The following ZFAT variants were observed in gnomAD, a reference collection of about 807,000 sequenced individuals.
ZFAT encodes the protein zinc finger protein ZFAT.
ZFAT carries 64 observed loss-of-function variants against 117.7 expected under a neutral mutation model. The ratio of observed to expected loss-of-function variants is 0.54; its 90% CI spans 0.44 to 0.67. The LOEUF is 0.67. Among genes scored for constraint, ZFAT ranks in the 30% least tolerant of loss-of-function variants. ZFAT has a pLI of 0.00. For synonymous variants in ZFAT, 679 were observed against 615.0 expected (o/e 1.10, Z -1.54); for missense variants, 1,433 against 1,584.5 (o/e 0.90, Z 1.62).
At chr8:134,819,757 G>A in the ZFAT span, among the ~76,000 whole-genome samples, 1 of 151,968 alleles carries the variant, frequency 6.6e-6, no homozygotes, top group Non-Finnish European at 1.5e-5. Flanking sequence ...ATGAAAGCTA[G>A]GGACCAGAAC....
chr8:134,573,727 C>G (rs1825102887), intron 10 of ZFAT, among the ~76,000 whole-genome samples: 3 of 152,244 alleles, frequency 2.0e-5, no homozygotes, highest in Admixed American at 2.0e-4. Flanking sequence ...TGCAAAATCT[C>G]TCTCCACTTT....
chr8:134,490,491 T>G (rs548406207), intron 15 of ZFAT, among the ~76,000 whole-genome samples: 14 of 152,318 alleles, frequency 9.2e-5, no homozygotes, highest in Admixed American at 2.6e-4. Context: ...GTCTACAGAA[T>G]AGAAGTTGCA....
At chr8:134,533,565 T>C (rs190857578) in intron 11 of ZFAT, among the ~76,000 whole-genome samples, 9 of 152,358 alleles carry the variant, frequency 5.9e-5, no homozygotes, top group African/African-American at 2.2e-4. Flanking sequence ...CAGTGATGCG[T>C]CACTGTATTT....
intron 15 of ZFAT, among the ~76,000 whole-genome samples, chr8:134,480,152 G>A (rs940163382): frequency 2.0e-5 from 3 of 152,024 alleles, no homozygotes; most frequent in Non-Finnish European, 4.4e-5. Flanking sequence ...GGTAGAGACA[G>A]GGTTTCTCCA....
At chr8:134,731,150 A>C in the ZFAT span, among the ~76,000 whole-genome samples, 1 of 152,246 alleles carries the variant, frequency 6.6e-6, no homozygotes, top group Non-Finnish European at 1.5e-5. Context: ...TGCATGTGGG[A>C]GAGGTAATGG....
At chr8:134,722,285 G>A in the ZFAT span, among the ~76,000 whole-genome samples, 4 of 152,242 alleles carry the variant, frequency 2.6e-5, no homozygotes, top group Non-Finnish European at 5.9e-5. Context: ...GCCTAGGCGA[G>A]AAATAGCATG....
chr8:134,761,473 C>T, the ZFAT span, among the ~76,000 whole-genome samples: 21 of 151,246 alleles, frequency 1.4e-4, no homozygotes, highest in Non-Finnish European at 2.2e-4. Flanking sequence ...ATGCTGAAGC[C>T]GGCAAATCAC....
At chr8:134,690,300 T>C (rs369840618) in intron 1 of ZFAT, among the ~76,000 whole-genome samples, 1 of 152,240 alleles carries the variant, frequency 6.6e-6, no homozygotes, top group African/African-American at 2.4e-5. Flanking sequence ...ACTTAGAACC[T>C]GCAGACCAAG....
rs1458271338 is a variant in ZFAT, at chr8:134,640,304, C to T, written c.197-2592G>A. Among the ~76,000 whole-genome samples the T allele has an allele frequency of 5.3e-5, 8 of 152,354 alleles. No individual in the cohort carries two copies. In the East Asian group the frequency reaches 1.5e-3, roughly 29 times the overall value. ...AAGGTGGTCCAGGAGACCCTCCAAA[C>T]TTGTGGCTGGTATCAGGAGTCTTGG... On this transcript the variant is annotated intron_variant, in intron 2 of 15. Transcript: ENST00000377838.
chr8:134,502,501 A>G (rs1819068121), intron 15 of ZFAT, among the ~76,000 whole-genome samples: 2 of 152,198 alleles, frequency 1.3e-5, no homozygotes, highest in African/African-American at 4.8e-5. Context: ...GGCAACCAAC[A>G]TATGTCTTCC....
At chr8:134,666,250 G>A (rs1306358691) in intron 1 of ZFAT, among the ~76,000 whole-genome samples, 1 of 152,102 alleles carries the variant, frequency 6.6e-6, no homozygotes, top group Non-Finnish European at 1.5e-5. Flanking sequence ...AGACTGAGTG[G>A]GGAACCTAAA....
At chr8:134,722,128 G>C in the ZFAT span, among the ~76,000 whole-genome samples, 2 of 152,160 alleles carry the variant, frequency 1.3e-5, no homozygotes, top group Admixed American at 6.5e-5. Flanking sequence ...CAAGGTGAGT[G>C]TCATACAGCA....
intron 11 of ZFAT, among the ~76,000 whole-genome samples, chr8:134,561,016 C>T (rs1824008708): frequency 6.6e-6 from 1 of 152,212 alleles, no homozygotes; most frequent in African/African-American, 2.4e-5. Flanking sequence ...GAGAAAATAA[C>T]ATCTTTACTA....
the ZFAT span, among the ~76,000 whole-genome samples, chr8:134,800,821 T>C: frequency 6.6e-6 from 1 of 152,128 alleles, no homozygotes; most frequent in Non-Finnish European, 1.5e-5. Context: ...TGGGGGGCAC[T>C]ACAGGCACGC....
chr8:134,723,568 A>G, the ZFAT span: 1 of 152,234 alleles, frequency 6.6e-6, no homozygotes, highest in African/African-American at 2.4e-5. Flanking sequence ...AGAGAAGGAG[A>G]CTGAGGAATA....
the ZFAT span, among the ~76,000 whole-genome samples, chr8:134,745,589 C>T: frequency 2.0e-5 from 3 of 152,110 alleles, no homozygotes; most frequent in African/African-American, 4.8e-5. Context: ...CAAAAAGTGC[C>T]GTGGACTCCC....
chr8:134,796,511 T>G, the ZFAT span: 6 of 152,188 alleles, frequency 3.9e-5, no homozygotes, highest in Non-Finnish European at 8.8e-5. Flanking sequence ...AGAAAGCACT[T>G]CTGGTTTTTT....
At chr8:134,512,665 G>GTATGCCC in intron 13 of ZFAT, 64 bp from the exon 14 acceptor site, 1 of 1,571,390 alleles carries the variant, frequency 6.4e-7, no homozygotes, top group African/African-American at 1.4e-5. Context: ...GAAGTTCCAA[G>GTATGCCC]ATAACATACT....
At chr8:134,781,292 T>C in the ZFAT span, among the ~76,000 whole-genome samples, 39 of 152,224 alleles carry the variant, frequency 2.6e-4, no homozygotes, top group Admixed American at 5.9e-4. Context: ...TGCTTAATTT[T>C]TTAATTTTTT....
Sources: gnomAD v4.1 joint callset for allele counts (sites outside exome capture counted in the v4.1 genomes callset) on GRCh38, gnomAD v4.1.1 for gene constraint, MANE v1.5 for transcripts, NCBI Gene and HGNC (gene_info 2026-07-23, HGNC 2026-07-21) for gene names.